The following SLCO2A1 variants were observed in gnomAD, a reference collection of about 807,000 sequenced individuals.
The protein encoded by SLCO2A1 is matrin F/G 1.
Under a neutral mutation model 71.7 loss-of-function variants are expected in SLCO2A1, and 60 were observed. The ratio of observed to expected loss-of-function variants is 0.84; its 90% CI spans 0.68 to 1.04. SLCO2A1 has a LOEUF of 1.04. Among genes scored for constraint, SLCO2A1 ranks in the 50% least tolerant of loss-of-function variants. The pLI is 0.00. For missense variants in SLCO2A1, 745 were observed against 813.4 expected (o/e 0.92, Z 1.02); for synonymous variants, 308 against 326.7 (o/e 0.94, Z 0.62).
intron 3 of SLCO2A1, among the ~76,000 whole-genome samples, chr3:133,960,233 G>A (rs1415991308): frequency 1.3e-5 from 2 of 152,140 alleles, no homozygotes; most frequent in Non-Finnish European, 1.5e-5. Flanking sequence ...TGAAAGCAAG[G>A]ACTTAAAGAG....
chr3:133,971,212 T>C (rs964806359), intron 3 of SLCO2A1, among the ~76,000 whole-genome samples: 2 of 152,240 alleles, frequency 1.3e-5, no homozygotes, highest in Admixed American at 6.5e-5. Flanking sequence ...GCAGGGATTG[T>C]GGCTCTGGAA....
intron 3 of SLCO2A1, among the ~76,000 whole-genome samples, chr3:133,959,947 T>C (rs955113056): frequency 5.2e-4 from 79 of 151,876 alleles, no homozygotes; most frequent in African/African-American, 1.9e-3. Context: ...GGTGAAACCC[T>C]GTCTCCACTA....
chr3:134,006,934 C>T (rs1420098831), intron 1 of SLCO2A1, among the ~76,000 whole-genome samples: 3 of 152,202 alleles, frequency 2.0e-5, no homozygotes, highest in Non-Finnish European at 4.4e-5. Flanking sequence ...TTTTACATTC[C>T]CACCAATAGT....
At chr3:134,008,120 T>A (rs1489756034) in intron 1 of SLCO2A1, among the ~76,000 whole-genome samples, 1 of 152,220 alleles carries the variant, frequency 6.6e-6, no homozygotes, top group African/African-American at 2.4e-5. Context: ...ATACGGAGGT[T>A]CTGTATGAGA....
chr3:133,949,287 A>T, intron 6 of SLCO2A1: 1 of 292,722 alleles, frequency 3.4e-6, no homozygotes, highest in Non-Finnish European at 6.4e-6. Context: ...CCCACCCCTC[A>T]CCCCCATCTG....
At chr3:133,969,251 G>A (rs1934268150) in intron 3 of SLCO2A1, among the ~76,000 whole-genome samples, 1 of 152,216 alleles carries the variant, frequency 6.6e-6, no homozygotes, top group South Asian at 2.1e-4. Context: ...CCAACATGGT[G>A]AAACCCCGTA....
In SLCO2A1 at chr3:133,952,270, A is replaced by C. The variant is rs551695391; in HGVS notation, c.725-926T>G. On this transcript the variant is annotated intron_variant, in intron 5 of 13. Coordinates refer to ENST00000310926, the MANE Select transcript of SLCO2A1 (RefSeq NM_005630.3). ...TTCTACTTTCATTGGAAGTACAGCC[A>C]AATGACACCATGCAGATGGCACTGT... Among the ~76,000 whole-genome samples, 18 of 152,350 alleles carry C rather than the reference A, an allele frequency of 1.2e-4. No individual in the cohort carries two copies. In the South Asian group the frequency reaches 3.7e-3, roughly 32 times the overall value.
intron 2 of SLCO2A1, among the ~76,000 whole-genome samples, chr3:133,976,978 G>A (rs1250258193): frequency 6.6e-6 from 1 of 152,170 alleles, no homozygotes; most frequent in Non-Finnish European, 1.5e-5. Flanking sequence ...GGCTCTCTGA[G>A]ACTGGAAGCT....
At chr3:133,937,644 C>T (rs1340530313) in intron 12 of SLCO2A1, among the ~76,000 whole-genome samples, 1 of 152,234 alleles carries the variant, frequency 6.6e-6, no homozygotes, top group Non-Finnish European at 1.5e-5. Context: ...TGAAGTTCCT[C>T]TTGCTGGAGT....
intron 1 of SLCO2A1, among the ~76,000 whole-genome samples, chr3:134,018,532 C>G (rs1301078631): frequency 6.6e-6 from 1 of 152,174 alleles, no homozygotes; most frequent in East Asian, 1.9e-4. Context: ...TTCCCTTCTT[C>G]CCACTATTCT....
At chr3:133,975,285 C>T (rs1309684490) in intron 2 of SLCO2A1, among the ~76,000 whole-genome samples, 1 of 152,162 alleles carries the variant, frequency 6.6e-6, no homozygotes, top group African/African-American at 2.4e-5. Context: ...TAAATGGCAC[C>T]TCCATCCTCC....
chr3:133,979,548 A>C lies in SLCO2A1; in HGVS notation c.167T>G (p.Leu56Arg), dbSNP rs1934536590. The C allele has an allele frequency of 1.2e-6, 2 of 1,614,110 alleles. No individual in the cohort carries two copies. Among genetic ancestry groups the C allele is most frequent in the African/African-American group, 2.7e-5 (2 of 75,038 alleles). ...LLYSAYFKSS[L>R]TTIEKRFGLS... ...CCCAAAGCGCTTCTCAATGGTGGTGAGGCTGCTCTTGAAGTAGGCGCTGTA... is the reference window on the plus strand; with the variant it reads ...CCCAAAGCGCTTCTCAATGGTGGTGCGGCTGCTCTTGAAGTAGGCGCTGTA... Residue 56 changes from leucine (L) to arginine (R), a missense_variant, in exon 2 of 14, where the codon CTC becomes CGC. Transcript: ENST00000310926.
At chr3:134,010,109 C>T (rs1161940223) in intron 1 of SLCO2A1, among the ~76,000 whole-genome samples, 1 of 152,194 alleles carries the variant, frequency 6.6e-6, no homozygotes, top group Admixed American at 6.5e-5. Context: ...AACTAAATAT[C>T]CATACACCAC....
At chr3:133,996,630 A>T (rs1439902894) in intron 1 of SLCO2A1, among the ~76,000 whole-genome samples, 2 of 152,172 alleles carry the variant, frequency 1.3e-5, no homozygotes, top group African/African-American at 2.4e-5. Context: ...TCCACACCCC[A>T]GTCTGGTCAC....
At chr3:134,025,313 T>C (rs1301915588) in intron 1 of SLCO2A1, among the ~76,000 whole-genome samples, 1 of 152,136 alleles carries the variant, frequency 6.6e-6, no homozygotes, top group African/African-American at 2.4e-5. Context: ...TATAATTCTA[T>C]ACAAGGTATG....
At chr3:133,992,951 T>A (rs562964818) in intron 1 of SLCO2A1, among the ~76,000 whole-genome samples, 10 of 152,298 alleles carry the variant, frequency 6.6e-5, no homozygotes, top group African/African-American at 2.2e-4. Flanking sequence ...GTGGGTGCTG[T>A]CATGAGTGCT....
chr3:133,951,724 A>G (rs1933751492), intron 5 of SLCO2A1, among the ~76,000 whole-genome samples: 1 of 152,204 alleles, frequency 6.6e-6, no homozygotes, highest in South Asian at 2.1e-4. Flanking sequence ...TTCTCTAGCA[A>G]GTCTGCCCAC....
intron 3 of SLCO2A1, among the ~76,000 whole-genome samples, chr3:133,964,802 C>A (rs1007631883): frequency 6.6e-6 from 1 of 152,208 alleles, no homozygotes; most frequent in East Asian, 1.9e-4. Flanking sequence ...GGGCACAAGA[C>A]GGTAGGCTCA....
Position 133,968,396 on chromosome 3 carries a change from G to T in SLCO2A1, c.397+5267C>A, listed in dbSNP as rs577755187. ...ATAGGTGGGTGTTCACTGTGGAAAG[G>T]CTGAGCTCCCTGTCCTCACCAGTTC... On this transcript the variant is annotated intron_variant, in intron 3 of 13. Transcript: ENST00000310926. 2.6e-5 allele frequency among the ~76,000 whole-genome samples: 4 copies of T among 152,168 alleles called. No individual in the cohort carries two copies. In the South Asian group the frequency reaches 6.2e-4, roughly 24 times the overall value.
Sources: allele counts gnomAD v4.1 joint callset (sites outside exome capture counted in the v4.1 genomes callset), GRCh38; gene constraint gnomAD v4.1.1; transcripts MANE v1.5; gene names NCBI Gene and HGNC (gene_info 2026-07-23, HGNC 2026-07-21).